Variants in LRP1B observed in about 807,000 individuals in gnomAD.
LRP1B encodes the protein LDL receptor related protein 1B, also known as low-density lipoprotein receptor-related protein 1B.
A neutral mutation model predicts 556.6 loss-of-function variants in LRP1B; 217 were observed. The observed-to-expected ratio is 0.39, with a 90% confidence interval of 0.35 to 0.44. The LOEUF is 0.44. Ranked by LOEUF, LRP1B falls within the 20% of genes least tolerant of loss-of-function variation. LRP1B has a pLI of 1.00. For missense variants in LRP1B, 5,053 were observed against 5,620.8 expected (o/e 0.90, Z 3.23); for synonymous variants, 2,047 against 1,865.8 (o/e 1.10, Z -2.50).
At chr2:140,423,352 G>GA (rs1685526240) in intron 66 of LRP1B, among the ~76,000 whole-genome samples, 1 of 151,748 alleles carries the variant, frequency 6.6e-6, no homozygotes. Flanking sequence ...ATAAAATAAG[G>GA]AAAGAAAAGG....
At chr2:140,687,236 T>A (rs931654965) in intron 41 of LRP1B, among the ~76,000 whole-genome samples, 1 of 152,110 alleles carries the variant, frequency 6.6e-6, no homozygotes, top group African/African-American at 2.4e-5. Context: ...GGGATGTAGT[T>A]ACAGGAGGGA....
At chr2:142,102,832 T>TA (rs1706616431) in intron 1 of LRP1B, among the ~76,000 whole-genome samples, 1 of 152,070 alleles carries the variant, frequency 6.6e-6, no homozygotes, top group African/African-American at 2.4e-5. Context: ...GTTCACATTT[T>TA]AAAAGCTAAA....
chr2:140,288,530 A>T (rs556334452), intron 84 of LRP1B, among the ~76,000 whole-genome samples: 1 of 151,980 alleles, frequency 6.6e-6, no homozygotes, highest in Admixed American at 6.6e-5. Context: ...GACGCATTTA[A>T]CTAGCAACAA....
chr2:141,437,955 T>C (rs1680824821), intron 3 of LRP1B, among the ~76,000 whole-genome samples: 1 of 152,144 alleles, frequency 6.6e-6, no homozygotes, highest in Non-Finnish European at 1.5e-5. Context: ...TATTATATTA[T>C]ATGAGTTTTA....
intron 20 of LRP1B, among the ~76,000 whole-genome samples, chr2:140,949,100 G>C (rs953254174): frequency 2.6e-5 from 4 of 152,120 alleles, no homozygotes; most frequent in African/African-American, 9.7e-5. Context: ...TGGAGTATAT[G>C]ATTCCCCTAC....
intron 41 of LRP1B, among the ~76,000 whole-genome samples, chr2:140,631,648 A>G (rs1240154368): frequency 6.6e-6 from 1 of 152,224 alleles, no homozygotes; most frequent in African/African-American, 2.4e-5. Flanking sequence ...CGAACAGAAC[A>G]TTTAAGAATA....
chr2:141,313,518 C>T lies in LRP1B; in HGVS notation c.344-58877G>A, dbSNP rs144232002. On this transcript the variant is annotated intron_variant, in intron 3 of 90. Coordinates refer to ENST00000389484, the MANE Select transcript of LRP1B (RefSeq NM_018557.3). ...TTGAAGGTAGGCAGTGCTTACTTGT[C>T]TGAGGGAATTTAAGCCAAAACCAAA... Among the ~76,000 whole-genome samples, 503 of 152,262 alleles carry T rather than the reference C, an allele frequency of 3.3e-3. 3 individuals carry two copies. The highest frequency in any genetic ancestry group is 0.012 in the African/African-American group (478 of 41,558).
At chr2:141,610,672 G>GT (rs1688078532) in intron 2 of LRP1B, among the ~76,000 whole-genome samples, 2 of 152,086 alleles carry the variant, frequency 1.3e-5, no homozygotes. Flanking sequence ...ACACCATTTG[G>GT]CTGGGAATTC....
intron 86 of LRP1B, among the ~76,000 whole-genome samples, chr2:140,267,405 A>G (rs1282502871): frequency 6.6e-6 from 1 of 152,006 alleles, no homozygotes; most frequent in African/African-American, 2.4e-5. Flanking sequence ...CCAGATAAAA[A>G]ATATGGCATT....
chr2:141,015,876 A>G lies in LRP1B; in HGVS notation c.2010T>C (p.Asp670=), dbSNP rs1263318938. The G allele has an allele frequency of 2.5e-6, 4 of 1,613,422 alleles. No individual in the cohort carries two copies. The highest frequency in any genetic ancestry group is 1.3e-5 in the African/African-American group (1 of 74,860). Residue 670 remains aspartate, a synonymous_variant, in exon 13 of 91, where the codon GAT becomes GAC. Coordinates refer to ENST00000389484, the MANE Select transcript of LRP1B (RefSeq NM_018557.3). ...YWTDWEEDEI[D]DSVGRIEKAW... ...CCTTCTCAATCCTTCCCACGCTGTC[A>G]TCTATTTCATCTTCCTCCCAGTCTG...
intron 84 of LRP1B, among the ~76,000 whole-genome samples, chr2:140,286,320 A>G (rs544628586): frequency 6.1e-4 from 93 of 151,918 alleles, no homozygotes; most frequent in African/African-American, 2.2e-3. Context: ...GTTTGCCAGC[A>G]TGGGTTTGTG....
intron 3 of LRP1B, among the ~76,000 whole-genome samples, chr2:141,314,807 A>ATTTATATAT (rs1265044831): frequency 1.8e-3 from 124 of 68,410 alleles, no homozygotes; most frequent in African/African-American, 6.0e-3. Context: ...AAAAAAAAAA[A>ATTTATATAT]ATTTATATAT....
In LRP1B at chr2:142,022,415, G is replaced by C. The variant is rs368771008; in HGVS notation, c.82+108233C>G. On this transcript the variant is annotated intron_variant, in intron 1 of 90. Transcript: ENST00000389484. The stretch of plus-strand genomic sequence containing the variant: ...TATTATTATTTGTTTTGTTTTAAAA[G>C]GTAAGTAGTTTATATAAGAGGTACA... 2.0e-5 allele frequency among the ~76,000 whole-genome samples: 3 copies of C among 151,694 alleles called. No homozygotes were observed. In the South Asian group the frequency reaches 6.3e-4, roughly 32 times the overall value.
chr2:141,017,831 C>A (rs868663107), intron 12 of LRP1B, among the ~76,000 whole-genome samples: 5 of 150,718 alleles, frequency 3.3e-5, no homozygotes, highest in African/African-American at 1.2e-4. Context: ...CCCATCTCTA[C>A]AAAAAAAATA....
intron 12 of LRP1B, among the ~76,000 whole-genome samples, chr2:141,018,392 T>C (rs1261548066): frequency 2.0e-5 from 3 of 152,092 alleles, no homozygotes; most frequent in Non-Finnish European, 4.4e-5. Context: ...GATGCAGATA[T>C]TGTCTCAATG....
At chr2:141,319,744 C>T (rs1026002338) in intron 3 of LRP1B, among the ~76,000 whole-genome samples, 32 of 151,976 alleles carry the variant, frequency 2.1e-4, no homozygotes, top group African/African-American at 7.5e-4. Context: ...TGTATTGAAT[C>T]GCAAGTTGCA....
At chr2:141,284,269 A>T (rs1484895200) in intron 3 of LRP1B, among the ~76,000 whole-genome samples, 2 of 152,362 alleles carry the variant, frequency 1.3e-5, no homozygotes, top group East Asian at 3.9e-4. Context: ...AAATGAAGCA[A>T]TAAAGTGTAT....
chr2:141,544,358 C>CTTCTTCTT (rs1685449747), intron 2 of LRP1B, among the ~76,000 whole-genome samples: 3 of 96,580 alleles, frequency 3.1e-5, no homozygotes, highest in African/African-American at 1.2e-4. Flanking sequence ...TCTTCTTCTT[C>CTTCTTCTT]TTCTTCTTCT....
rs190858489 is a variant in LRP1B, at chr2:140,520,508, G to A, written c.8027-3497C>T. Among the ~76,000 whole-genome samples the A allele has an allele frequency of 1.2e-3, 187 of 152,000 alleles. 1 individual carries two copies. Among genetic ancestry groups the A allele is most frequent in the African/African-American group, 3.8e-3 (158 of 41,478 alleles). On this transcript the variant is annotated intron_variant, in intron 49 of 90. Transcript: ENST00000389484. Reference sequence around the variant, plus strand: ...ATTAGGAGAAATGCCTAATGTGGATGGCGAGTTGATGGGTGCAGCAAACCA... The same window carrying A: ...ATTAGGAGAAATGCCTAATGTGGATAGCGAGTTGATGGGTGCAGCAAACCA...
Sources: allele counts gnomAD v4.1 joint callset (sites outside exome capture counted in the v4.1 genomes callset), GRCh38; gene constraint gnomAD v4.1.1; transcripts MANE v1.5; gene names NCBI Gene and HGNC (gene_info 2026-07-23, HGNC 2026-07-21).